Variants in RPS27L observed in about 807,000 individuals in gnomAD.
The protein encoded by RPS27L is ribosomal protein eS27-like.
Under a neutral mutation model 12.8 loss-of-function variants are expected in RPS27L, and 10 were observed. The observed-to-expected ratio is 0.78, with a 90% CI of 0.48 to 1.33. RPS27L has a LOEUF of 1.33. Among genes scored for constraint, RPS27L ranks in the 40% most tolerant of loss-of-function variants. RPS27L has a pLI of 0.00. For missense variants in RPS27L, 81 were observed against 97.4 expected, an observed-to-expected ratio of 0.83 and a Z score of 0.71; for synonymous variants, 26 against 32.3, an observed-to-expected ratio of 0.81 and a Z score of 0.66.
intron 1 of RPS27L, 130 bp downstream of exon 1, chr15:63,157,270 G>C (rs1366287381): frequency 2.9e-6 from 3 of 1,043,544 alleles, no homozygotes; most frequent in Non-Finnish European, 4.5e-6. Context: ...GCGCGAAGAC[G>C]CTGCGCAACC....
chr15:63,155,069 A>G (rs1444526209), intron 3 of RPS27L: 2 of 152,104 alleles, frequency 1.3e-5, no homozygotes, highest in South Asian at 2.1e-4. Flanking sequence ...CGGGCAGACC[A>G]TGAGGTCAGG....
chr15:63,154,826 T>C (rs975691858), intron 3 of RPS27L: 4 of 152,130 alleles, frequency 2.6e-5, no homozygotes, highest in African/African-American at 9.6e-5. Flanking sequence ...TAGGTTTTTA[T>C]ATTAATCATT....
At chr15:63,157,307 T>C in intron 1 of RPS27L, 93 bp downstream of exon 1, 1 of 1,401,114 alleles carries the variant, frequency 7.1e-7, no homozygotes, top group Non-Finnish European at 1.0e-6. Context: ...TCTCGGACAC[T>C]ACAGGCCCGA....
intron 1 of RPS27L, chr15:63,156,895 GACA>G (rs2037336053): frequency 2.4e-6 from 1 of 419,366 alleles, no homozygotes; most frequent in African/African-American, 2.1e-5. Flanking sequence ...AAGTAGACCA[GACA>G]ACGTCAGCGC....
chr15:63,152,178 C>G lies in RPS27L; in HGVS notation c.*1854G>C. The G allele has an allele frequency of 6.6e-6, 1 of 152,184 alleles. No homozygotes were observed. The highest frequency in any genetic ancestry group is 1.9e-4 in the East Asian group (1 of 5,180). 9.4% of individuals were successfully genotyped at this position (152,184 alleles called of 1,614,324 possible). On this transcript the variant is annotated 3_prime_UTR_variant, in exon 4 of 4. Transcript: ENST00000330964. Reference sequence around the variant, plus strand: ...CCTGAAGTCTCCGCTACTCAGGAGGCAGAGGTGGGAGGCTTGCTTGAGCCC... The same window carrying G: ...CCTGAAGTCTCCGCTACTCAGGAGGGAGAGGTGGGAGGCTTGCTTGAGCCC...
At chr15:63,155,453 CAAG>C (rs1287548570) in intron 3 of RPS27L, 165 bp downstream of exon 3, 9 of 462,966 alleles carry the variant, frequency 1.9e-5, no homozygotes, top group African/African-American at 1.8e-4. Context: ...ACTGCAAGGT[CAAG>C]AGTATAAATA....
chr15:63,155,873 C>G (rs1443029109), intron 2 of RPS27L, 142 bp from the exon 3 acceptor site: 3 of 441,660 alleles, frequency 6.8e-6, no homozygotes, highest in Non-Finnish European at 1.2e-5. Flanking sequence ...ACTTTTCTAG[C>G]AGCGACACAA....
intron 1 of RPS27L, 50 bp downstream of exon 1, chr15:63,157,350 C>G (rs376018611): frequency 9.3e-6 from 15 of 1,610,214 alleles, no homozygotes; most frequent in Non-Finnish European, 1.3e-5. Flanking sequence ...CCATATGACT[C>G]TCGGTAAAGA....
Position 63,155,601 on chromosome 15 carries a change from G to C in RPS27L, c.226+20C>G. On this transcript the variant is annotated intron_variant, in intron 3 of 3. Transcript: ENST00000330964. ...AATCATCAATCTCATCACTGGGTTG[G>C]AGAATGCCAAATGATATACCTTCTG... The C allele has an allele frequency of 6.7e-7, 1 of 1,481,520 alleles. No homozygotes were observed. Among genetic ancestry groups the C allele is most frequent in the Non-Finnish European group, 9.3e-7 (1 of 1,074,092 alleles). The allele number at this position is 1,481,520 out of a possible 1,614,324, so 91.8% of individuals were successfully genotyped here. A position where few individuals can be genotyped will look rare whatever the true frequency, so the allele number is the denominator to read the frequency against.
In RPS27L at chr15:63,157,234, C is replaced by A. The variant is rs2037338368; in HGVS notation, c.6+166G>T. On this transcript the variant is annotated intron_variant, in intron 1 of 3. Transcript: ENST00000330964. Reference sequence around the variant, plus strand: ...GCAGGGCCAGCCGCGCCGCGGTGACCGGGCAAGTCACTACATGCCCGCCAC... The same window carrying A: ...GCAGGGCCAGCCGCGCCGCGGTGACAGGGCAAGTCACTACATGCCCGCCAC... 33 of 760,336 alleles carry A rather than the reference C, an allele frequency of 4.3e-5. No homozygotes were observed. The South Asian group carries it at 4.9e-4, about 11-fold the overall frequency. The allele number at this position is 760,336 out of a possible 1,614,324, so 47.1% of individuals were successfully genotyped here.
Position 63,153,108 on chromosome 15 carries a change from A to G in RPS27L, c.*924T>C, listed in dbSNP as rs985891541. On this transcript the variant is annotated 3_prime_UTR_variant, in exon 4 of 4. Transcript: ENST00000330964. ...CAGGCACCAGAACCACTCAACACAC[A>G]TCTGTAGTCAGGAGTGCTCACCTAT... 2 of 152,232 alleles carry G rather than the reference A, an allele frequency of 1.3e-5. No individual in the cohort carries two copies. Among genetic ancestry groups the G allele is most frequent in the African/African-American group, 4.8e-5 (2 of 41,442 alleles). 9.4% of individuals were successfully genotyped at this position (152,232 alleles called of 1,614,324 possible).
Position 63,157,387 on chromosome 15 carries a change from G to A in RPS27L, c.6+13C>T, listed in dbSNP as rs1052151999. ...GCCCAAAACAAACCCGGAGCCCGAT[G>A]TAAACAACTCACAGGCATGTTGATC... On this transcript the variant is annotated intron_variant, in intron 1 of 3. Transcript: ENST00000330964. 10 of 1,614,006 alleles carry A rather than the reference G, an allele frequency of 6.2e-6. 1 individual carries two copies. In the East Asian group the frequency reaches 8.9e-5, roughly 14 times the overall value.
Position 63,153,597 on chromosome 15 carries a change from T to C in RPS27L, c.*435A>G, listed in dbSNP as rs1337789555. ...CAAATTAGCCAGGCATGGTGGTGTG[T>C]GCCTATAATCCCAGCTACTTGGGAG... On this transcript the variant is annotated 3_prime_UTR_variant, in exon 4 of 4. Transcript: ENST00000330964. 1 of 156,200 alleles carries C rather than the reference T, an allele frequency of 6.4e-6. No homozygotes were observed. Among genetic ancestry groups the C allele is most frequent in the Non-Finnish European group, 1.4e-5 (1 of 71,040 alleles). 9.7% of individuals were successfully genotyped at this position (156,200 alleles called of 1,614,324 possible). A position where few individuals can be genotyped will look rare whatever the true frequency, so the allele number is the denominator to read the frequency against.
Position 63,148,711 on chromosome 15 carries a change from T to C in RPS27L, c.*5321A>G, listed in dbSNP as rs2037279910. 6.6e-6 allele frequency: 1 copy of C among 152,138 alleles called. No individual in the cohort carries two copies. The allele number at this position is 152,138 out of a possible 1,614,324, so 9.4% of individuals were successfully genotyped here. A position where few individuals can be genotyped will look rare whatever the true frequency, so the allele number is the denominator to read the frequency against. ...GGTGTGAAAGTGAGAGTAGCCCTAG[T>C]AGTGTAGGGGGAAAGCGAGCCAGAA... On this transcript the variant is annotated 3_prime_UTR_variant, in exon 4 of 4. Coordinates refer to ENST00000330964, the MANE Select transcript of RPS27L (RefSeq NM_015920.4).
In RPS27L at chr15:63,152,389, C is replaced by G. The variant is rs2037305575; in HGVS notation, c.*1643G>C. 6.6e-6 allele frequency: 1 copy of G among 151,358 alleles called. No individual in the cohort carries two copies. Among genetic ancestry groups the G allele is most frequent in the Non-Finnish European group, 1.5e-5 (1 of 67,908 alleles). 9.4% of individuals were successfully genotyped at this position (151,358 alleles called of 1,614,324 possible). On this transcript the variant is annotated 3_prime_UTR_variant, in exon 4 of 4. Transcript: ENST00000330964. ...GTAACTGTTAGGTATTTCTTTTGGC[C>G]AAGGAATGGCCTGAAAAAAATTACT... is the stretch of plus-strand genomic sequence containing the variant.
Position 63,153,814 on chromosome 15 carries a change from G to C in RPS27L, c.*218C>G. On this transcript the variant is annotated 3_prime_UTR_variant, in exon 4 of 4. Coordinates refer to ENST00000330964, the MANE Select transcript of RPS27L (RefSeq NM_015920.4). ...TATACACCATATATATAAATGTATG[G>C]CATACTCAAATATATTTTAAAAAAA... 1.8e-6 allele frequency: 1 copy of C among 541,472 alleles called. No individual in the cohort carries two copies. The highest frequency in any genetic ancestry group is 3.1e-5 in the East Asian group (1 of 32,316). The allele number at this position is 541,472 out of a possible 1,614,324, so 33.5% of individuals were successfully genotyped here.
rs1190783962 is a variant in RPS27L, at chr15:63,153,834, AAAAAAG to A, written c.*192_*197del. The A allele has an allele frequency of 8.8e-6, 5 of 570,506 alleles. No individual in the cohort carries two copies. The African/African-American group carries it at 9.5e-5, about 11-fold the overall frequency. 35.3% of individuals were successfully genotyped at this position (570,506 alleles called of 1,614,324 possible). ...GTATGGCATACTCAAATATATTTTA[AAAAAAG>A]AAAAAGAGGGGATTTGCCCATAATC... On this transcript the variant is annotated 3_prime_UTR_variant, in exon 4 of 4. Transcript: ENST00000330964.
At position 63,156,167 on chromosome 15, in the gene RPS27L, G is replaced by A. The variant is rs12594049; in HGVS notation, c.115+246C>T. On this transcript the variant is annotated intron_variant, in intron 2 of 3. Transcript: ENST00000330964. The stretch of plus-strand genomic sequence containing the variant: ...TGTATCATGAAACAGAAAACTCATC[G>A]TCTGAAGAGCTTAAAGACTTGCTAA... Among the ~76,000 whole-genome samples, 278 of 152,266 alleles carry A rather than the reference G, an allele frequency of 1.8e-3. 7 individuals carry two copies. In the East Asian group the frequency reaches 0.043, roughly 24 times the overall value.
intron 3 of RPS27L, 94 bp from the exon 4 acceptor site, chr15:63,154,154 T>C (rs1212645659): frequency 2.4e-5 from 24 of 1,003,050 alleles, no homozygotes; most frequent in Non-Finnish European, 3.7e-5. Flanking sequence ...AATACTGAAG[T>C]TTTAAGAATA....
Sources: allele counts gnomAD v4.1 joint callset (sites outside exome capture counted in the v4.1 genomes callset), GRCh38; gene constraint gnomAD v4.1.1; transcripts MANE v1.5; gene names NCBI Gene and HGNC (gene_info 2026-07-23, HGNC 2026-07-21).